The following MACROD1 variants were observed in gnomAD, a reference collection of about 807,000 sequenced individuals.
MACROD1 encodes the protein mono-ADP ribosylhydrolase 1, also known as ADP-ribose glycohydrolase MACROD1.
Under a neutral mutation model 41.4 loss-of-function variants are expected in MACROD1, and 31 were observed. That is an observed-to-expected ratio of 0.75 (90% CI 0.56 to 1.01). The LOEUF is 1.01. MACROD1 is among the 50% of genes least tolerant of loss of function. MACROD1 has a pLI of 0.00. For missense variants in MACROD1, 473 were observed against 460.0 expected (o/e 1.03, Z -0.26); for synonymous variants, 252 against 203.4 (o/e 1.24, Z -2.03).
At position 64,122,879 on chromosome 11, in the gene MACROD1, C is replaced by T. The variant is rs949152254; in HGVS notation, c.517+28360G>A. Among the ~76,000 whole-genome samples, 1 of 152,220 alleles carries T rather than the reference C, an allele frequency of 6.6e-6. No individual in the cohort carries two copies. Among genetic ancestry groups the T allele is most frequent in the African/African-American group, 2.4e-5 (1 of 41,462 alleles). The stretch of plus-strand genomic sequence containing the variant: ...TCGGAACCTGTGCCTCCCTCCTTCA[C>T]CTCCGGCCCTGGAGCCAAGGAGCCA... On this transcript the variant is annotated intron_variant, in intron 3 of 10. Transcript: ENST00000255681. The surrounding 1 kb of genome is among the most constrained non-coding windows in gnomAD (Gnocchi z 4.0).
Position 63,998,572 on chromosome 11 carries a change from C to G in MACROD1, c.*146G>C, listed in dbSNP as rs1469822325. ...ACAGTAGGAGCTGCCACAACGAGAT[C>G]TTTATTAGGCTCCTCGGGGGCGGGG... On this transcript the variant is annotated 3_prime_UTR_variant, in exon 11 of 11. Transcript: ENST00000255681. 5 of 1,210,072 alleles carry G rather than the reference C, an allele frequency of 4.1e-6. No homozygotes were observed. The highest frequency in any genetic ancestry group is 5.2e-6 in the Non-Finnish European group (5 of 964,868). The allele number at this position is 1,210,072 out of a possible 1,614,324, so 75.0% of individuals were successfully genotyped here.
rs555502214 is a variant in MACROD1, at chr11:64,118,414, C to T, written c.517+32825G>A. The T allele has an allele frequency of 7.6e-5, 95 of 1,254,496 alleles. No individual in the cohort carries two copies. In the East Asian group the frequency reaches 1.7e-3, roughly 22 times the overall value. 77.7% of individuals were successfully genotyped at this position (1,254,496 alleles called of 1,614,324 possible). ...AGAAATTCCATGGGTGACTTTCCTC[C>T]GCAGAAAGCAAAGTTTGGGGAGGGC... On this transcript the variant is annotated intron_variant, in intron 3 of 10. Transcript: ENST00000255681.
Position 64,165,985 on chromosome 11 carries a change from G to C in MACROD1, c.10C>G (p.Gln4Glu). Residue 4 changes from glutamine (Q) to glutamate (E), a missense_variant, in exon 1 of 11, where the codon CAG (glutamine) becomes GAG (glutamate). Gln to Glu is a conservative substitution (Grantham distance 29). Transcript: ENST00000255681. ...GCCAGGCGGCCGGACAGTCGGCTCT[G>C]TAGAGACATGAGCGGGCGGCGCGGG... MSL[Q>E]SRLSGRLAQL... 5 of 1,274,850 alleles carry C rather than the reference G, an allele frequency of 3.9e-6. No individual in the cohort carries two copies. The highest frequency in any genetic ancestry group is 4.9e-6 in the Non-Finnish European group (5 of 1,014,942). 79.0% of individuals were successfully genotyped at this position (1,274,850 alleles called of 1,614,324 possible). A position where few individuals can be genotyped will look rare whatever the true frequency, so the allele number is the denominator to read the frequency against.
At chr11:64,158,227 A>C (rs1945699386) in intron 1 of MACROD1, among the ~76,000 whole-genome samples, 1 of 152,098 alleles carries the variant, frequency 6.6e-6, no homozygotes, top group Non-Finnish European at 1.5e-5. Flanking sequence ...AGGATGGCTT[A>C]GGCTGTGCAT....
intron 3 of MACROD1, among the ~76,000 whole-genome samples, chr11:64,053,516 G>A (rs957340147): frequency 2.0e-5 from 3 of 152,138 alleles, no homozygotes; most frequent in African/African-American, 4.8e-5. Flanking sequence ...CTGGGTTGGG[G>A]AGGCAAGGCT....
intron 1 of MACROD1, among the ~76,000 whole-genome samples, chr11:64,164,263 C>T (rs1945800526): frequency 6.6e-6 from 1 of 152,226 alleles, no homozygotes; most frequent in African/African-American, 2.4e-5. Context: ...AAAGGGAGAC[C>T]CCAGTGACAA....
chr11:64,035,098 A>T (rs1943348298), intron 3 of MACROD1, among the ~76,000 whole-genome samples: 4 of 152,042 alleles, frequency 2.6e-5, no homozygotes, highest in Admixed American at 2.6e-4. Context: ...TAACCTTTGG[A>T]GCTAGGTAGT....
At chr11:64,163,691 G>T (rs1051636551) in intron 1 of MACROD1, among the ~76,000 whole-genome samples, 1 of 152,226 alleles carries the variant, frequency 6.6e-6, no homozygotes, top group African/African-American at 2.4e-5. Context: ...GCCTCAGAGG[G>T]AGGGAGACCC....
chr11:64,073,697 C>T (rs991511766), intron 3 of MACROD1, among the ~76,000 whole-genome samples: 12 of 152,278 alleles, frequency 7.9e-5, no homozygotes, highest in African/African-American at 2.2e-4. Flanking sequence ...CGAGAGTGTG[C>T]GTGCGCGTGG....
rs138676741 is a variant in MACROD1 at position 64,117,451 on chromosome 11, C to T, written c.517+33788G>A. The stretch of plus-strand genomic sequence containing the variant: ...GTGGCCAATGCGGCTGCCAAGACCA[C>T]GGCCAGCAACCACGCCTCTGCCACC... On this transcript the variant is annotated intron_variant, in intron 3 of 10. Coordinates refer to ENST00000255681, the MANE Select transcript of MACROD1 (RefSeq NM_014067.4). The T allele has an allele frequency of 2.2e-3, 3,550 of 1,613,004 alleles. 4 individuals carry two copies. The highest frequency in any genetic ancestry group is 2.6e-3 in the Non-Finnish European group (3,076 of 1,179,226).
intron 3 of MACROD1, among the ~76,000 whole-genome samples, chr11:64,150,839 G>C (rs1352024094): frequency 6.6e-6 from 1 of 152,212 alleles, no homozygotes; most frequent in Non-Finnish European, 1.5e-5. Flanking sequence ...CCCTCGACAA[G>C]CTCCCTCACC....
intron 3 of MACROD1, among the ~76,000 whole-genome samples, chr11:64,134,051 C>T (rs369541061): frequency 4.7e-4 from 72 of 152,288 alleles, no homozygotes; most frequent in African/African-American, 1.3e-3. Flanking sequence ...TCACCCAACC[C>T]GGCTAGAATG....
chr11:64,077,956 G>A (rs1463519373), intron 3 of MACROD1, among the ~76,000 whole-genome samples: 1 of 152,192 alleles, frequency 6.6e-6, no homozygotes, highest in Non-Finnish European at 1.5e-5. Flanking sequence ...ATGGGCCCGT[G>A]CTCAGCCTGG....
At chr11:64,014,892 A>G (rs1459262849) in intron 4 of MACROD1, among the ~76,000 whole-genome samples, 1 of 152,198 alleles carries the variant, frequency 6.6e-6, no homozygotes, top group Non-Finnish European at 1.5e-5. Flanking sequence ...GGCAGGGTAG[A>G]GATGATAATT....
chr11:64,006,131 G>T (rs1942910248), intron 4 of MACROD1, among the ~76,000 whole-genome samples: 2 of 152,228 alleles, frequency 1.3e-5, no homozygotes, highest in South Asian at 4.1e-4. Context: ...CTGACTTGCT[G>T]CCCCAGGCTT....
In MACROD1 at chr11:64,100,351, T is replaced by C. The variant is rs547624247; in HGVS notation, c.517+50888A>G. ...GTGATGTGATTGACGACAACAAAAG[T>C]AGAAAATTGTGTAAGCATCTCAAAG... On this transcript the variant is annotated intron_variant, in intron 3 of 10. Coordinates refer to ENST00000255681, the MANE Select transcript of MACROD1 (RefSeq NM_014067.4). Among the ~76,000 whole-genome samples, 64 of 152,238 alleles carry C rather than the reference T, an allele frequency of 4.2e-4. 2 individuals are homozygous for C. The South Asian group carries it at 5.2e-3, about 12-fold the overall frequency.
At chr11:64,098,372 T>A (rs1007548349) in intron 3 of MACROD1, among the ~76,000 whole-genome samples, 5 of 152,226 alleles carry the variant, frequency 3.3e-5, no homozygotes, top group African/African-American at 1.2e-4. Context: ...AGTCTTCACA[T>A]AGGCTGTTCC....
intron 3 of MACROD1, among the ~76,000 whole-genome samples, chr11:64,091,728 A>G (rs1474796902): frequency 1.3e-5 from 2 of 152,178 alleles, no homozygotes; most frequent in East Asian, 3.8e-4. Context: ...CCACCTGGAC[A>G]CTGGCCATTA....
chr11:64,016,855 G>T (rs1449020582), intron 3 of MACROD1, among the ~76,000 whole-genome samples: 2 of 152,212 alleles, frequency 1.3e-5, no homozygotes, highest in Non-Finnish European at 2.9e-5. Context: ...TGGAGGGAGA[G>T]CAGGACACGG....
Sources: gnomAD v4.1 joint callset for allele counts (sites outside exome capture counted in the v4.1 genomes callset) on GRCh38, gnomAD v4.1.1 for gene constraint, Gnocchi (gnomAD v3.1) non-coding constraint, MANE v1.5 for transcripts, NCBI Gene and HGNC (gene_info 2026-07-23, HGNC 2026-07-21) for gene names.